Variants in LRRC4C observed in about 807,000 individuals in gnomAD.
The protein encoded by LRRC4C is leucine-rich repeat-containing protein 4C.
Under a neutral mutation model 33.6 loss-of-function variants are expected in LRRC4C, and 5 were observed. The ratio of observed to expected loss-of-function variants is 0.15; its 90% CI spans 0.08 to 0.31. LRRC4C has a LOEUF of 0.31. Among genes scored for constraint, LRRC4C ranks in the 10% least tolerant of loss-of-function variants. The probability of loss-of-function intolerance (pLI) is 1.00; values close to 1 mark genes in which losing one functional copy is unlikely to be tolerated. For missense variants in LRRC4C, 560 were observed against 796.7 expected, an observed-to-expected ratio of 0.70 and a Z score of 3.58; for synonymous variants, 329 against 302.0, an observed-to-expected ratio of 1.09 and a Z score of -0.93.
chr11:40,972,781 C>T (rs374849294), intron 1 of LRRC4C, among the ~76,000 whole-genome samples: 1 of 152,136 alleles, frequency 6.6e-6, no homozygotes, highest in Non-Finnish European at 1.5e-5. Flanking sequence ...TCCCACAGGT[C>T]TTTTTCCTAA....
At chr11:40,867,042 T>C (rs1308409137) in intron 2 of LRRC4C, among the ~76,000 whole-genome samples, 1 of 152,196 alleles carries the variant, frequency 6.6e-6, no homozygotes, top group Non-Finnish European at 1.5e-5. Context: ...ACAGGATATG[T>C]TAAGATTCTT....
At chr11:40,290,571 C>T (rs984359696) in intron 4 of LRRC4C, among the ~76,000 whole-genome samples, 1 of 152,144 alleles carries the variant, frequency 6.6e-6, no homozygotes, top group African/African-American at 2.4e-5. Context: ...TTTATATTAT[C>T]ACCTCTCTAA....
chr11:41,115,408 T>G (rs1041351850), intron 1 of LRRC4C, among the ~76,000 whole-genome samples: 5 of 151,818 alleles, frequency 3.3e-5, no homozygotes. Flanking sequence ...CCCATAGACA[T>G]TCTAGTGATT....
chr11:40,876,901 CA>C (rs71060985), intron 2 of LRRC4C, among the ~76,000 whole-genome samples: 50,534 of 98,778 alleles, frequency 0.51, 13,301 homozygotes, highest in East Asian at 0.8. Flanking sequence ...GGCTCTTTCT[CA>C]AAAAAAAAAA....
chr11:40,232,868 G>A (rs1052429380), intron 5 of LRRC4C, among the ~76,000 whole-genome samples: 1 of 152,052 alleles, frequency 6.6e-6, no homozygotes, highest in African/African-American at 2.4e-5. Flanking sequence ...TCTCTGCCTC[G>A]ATTCTTTCCT....
At chr11:40,236,827 A>T (rs9667929) in intron 5 of LRRC4C, among the ~76,000 whole-genome samples, 3,032 of 152,274 alleles carry the variant, frequency 0.02, 42 homozygotes, top group Non-Finnish European at 0.031. Flanking sequence ...TTAATCCACC[A>T]AGACTTCAAG....
chr11:41,454,787 C>T (rs1000535234), intron 1 of LRRC4C, among the ~76,000 whole-genome samples: 6 of 152,060 alleles, frequency 3.9e-5, no homozygotes, highest in African/African-American at 1.5e-4. Flanking sequence ...TTTTATTTGG[C>T]ACTCAGATTA....
intron 5 of LRRC4C, among the ~76,000 whole-genome samples, chr11:40,232,507 A>G (rs1236625478): frequency 6.6e-6 from 1 of 152,234 alleles, no homozygotes; most frequent in Non-Finnish European, 1.5e-5. Context: ...CAATAAGGGT[A>G]AACATCACTT....
chr11:41,025,581 T>C (rs904646464), intron 1 of LRRC4C, among the ~76,000 whole-genome samples: 12 of 150,748 alleles, frequency 8.0e-5, no homozygotes, highest in African/African-American at 2.9e-4. Flanking sequence ...GGCTGGTTAA[T>C]GAGGTTTAAG....
chr11:40,771,942 T>C (rs2137177799), intron 2 of LRRC4C, among the ~76,000 whole-genome samples: 1 of 152,282 alleles, frequency 6.6e-6, no homozygotes, highest in Admixed American at 6.5e-5. Flanking sequence ...TCCCACATTT[T>C]TCTATCTTCT....
At chr11:40,454,858 T>C (rs957648438) in intron 3 of LRRC4C, among the ~76,000 whole-genome samples, 5 of 152,152 alleles carry the variant, frequency 3.3e-5, no homozygotes, top group African/African-American at 1.2e-4. Context: ...TTTTTTTAAA[T>C]CCAGTATTTA....
intron 3 of LRRC4C, among the ~76,000 whole-genome samples, chr11:40,340,906 G>C (rs189802525): frequency 8.5e-5 from 13 of 152,168 alleles, no homozygotes; most frequent in Admixed American, 8.5e-4. Flanking sequence ...ATCTACCATG[G>C]GTGAAGGTTT....
intron 1 of LRRC4C, among the ~76,000 whole-genome samples, chr11:41,328,312 T>C (rs533977168): frequency 2.6e-5 from 4 of 152,222 alleles, no homozygotes; most frequent in Non-Finnish European, 5.9e-5. Context: ...CTTTGAGGTG[T>C]GTCCAAAAGG....
chr11:40,539,490 T>C (rs115342553), intron 3 of LRRC4C, among the ~76,000 whole-genome samples: 1,557 of 152,274 alleles, frequency 0.01, 28 homozygotes, highest in African/African-American at 0.035. Context: ...TGAAGCTCTA[T>C]CATTTTTTTT....
chr11:40,148,823 T>C (rs2135081020), intron 5 of LRRC4C, among the ~76,000 whole-genome samples: 1 of 152,338 alleles, frequency 6.6e-6, no homozygotes, highest in Middle Eastern at 3.4e-3. Flanking sequence ...TGTTTTACAT[T>C]TAAGTCTTTA....
intron 3 of LRRC4C, among the ~76,000 whole-genome samples, chr11:40,637,264 G>T (rs1414472972): frequency 6.6e-6 from 1 of 151,980 alleles, no homozygotes; most frequent in African/African-American, 2.4e-5. Context: ...CCCCTCCTTT[G>T]TATGTGAAAT....
chr11:40,141,640 C>A (rs1467899188), intron 5 of LRRC4C, among the ~76,000 whole-genome samples: 10 of 152,128 alleles, frequency 6.6e-5, no homozygotes, highest in Admixed American at 6.5e-4. Context: ...AAGGGACTGA[C>A]ATGGATATTA....
chr11:41,179,729 T>A (rs1428551512), intron 1 of LRRC4C, among the ~76,000 whole-genome samples: 1 of 152,192 alleles, frequency 6.6e-6, no homozygotes, highest in Admixed American at 6.5e-5. Context: ...GAATATAAAC[T>A]TCTGAAATCT....
At chr11:41,292,853 A>G (rs1950030017) in intron 1 of LRRC4C, among the ~76,000 whole-genome samples, 1 of 152,156 alleles carries the variant, frequency 6.6e-6, no homozygotes, top group African/African-American at 2.4e-5. Flanking sequence ...GAAATATAGT[A>G]ATATGTATCT....
Sources: gnomAD v4.1 joint callset for allele counts (sites outside exome capture counted in the v4.1 genomes callset) on GRCh38, gnomAD v4.1.1 for gene constraint, MANE v1.5 for transcripts, NCBI Gene and HGNC (gene_info 2026-07-23, HGNC 2026-07-21) for gene names.